The following EME1 variants were observed in gnomAD, a reference collection of about 807,000 sequenced individuals.
The protein encoded by EME1 is essential meiotic structure-specific endonuclease 1.
EME1 carries 61 observed loss-of-function variants against 59.1 expected under a neutral mutation model. The observed-to-expected ratio is 1.03, with a 90% CI of 0.84 to 1.28. The LOEUF (loss-of-function observed/expected upper bound fraction) is 1.28, where lower values mean the gene tolerates loss of function less well. Among genes scored for constraint, EME1 ranks in the 50% most tolerant of loss-of-function variants. The probability of loss-of-function intolerance (pLI) is 0.00; values close to 1 mark genes in which losing one functional copy is unlikely to be tolerated. For missense variants in EME1, 635 were observed against 682.6 expected, an observed-to-expected ratio of 0.93 and a Z score of 0.78; for synonymous variants, 230 against 254.2, an observed-to-expected ratio of 0.90 and a Z score of 0.90.
In EME1 at chr17:50,378,837, G is replaced by A. The variant is rs767764539; in HGVS notation, c.1054G>A (p.Ala352Thr). The A allele has an allele frequency of 4.3e-6, 7 of 1,614,054 alleles. No individual in the cohort carries two copies. Among genetic ancestry groups the A allele is most frequent in the Non-Finnish European group, 5.9e-6 (7 of 1,180,018 alleles). Reference sequence around the variant, plus strand: ...TCAGGGCTTTGTAACTGACATCACAGCAAAGACAGCAGGGAAAGCTCTGTC... The same window carrying A: ...TCAGGGCTTTGTAACTGACATCACAACAAAGACAGCAGGGAAAGCTCTGTC... ...TLQGFVTDIT[A>T]KTAGKALSLV... The change falls in exon 5 of 9, where the codon GCA (alanine) becomes ACA (threonine). Residue 352 changes from alanine (A) to threonine (T), a missense_variant. Transcript: ENST00000338165.
Position 50,381,176 on chromosome 17 carries a change from CACAG to C in EME1, c.*241_*244del. ...TCCTCTCCTGGCAAAAATTCACTGC[CACAG>C]ACAAACCACCCCCACTCCTACCCAG... On this transcript the variant is annotated 3_prime_UTR_variant, in exon 9 of 9. Transcript: ENST00000338165. 1 of 532,016 alleles carries C rather than the reference CACAG, an allele frequency of 1.9e-6. No homozygotes were observed. Among genetic ancestry groups the C allele is most frequent in the Non-Finnish European group, 3.3e-6 (1 of 299,504 alleles). The allele number at this position is 532,016 out of a possible 1,614,324, so 33.0% of individuals were successfully genotyped here.
At chr17:50,376,724 G>A (rs1192240358) in intron 3 of EME1, among the ~76,000 whole-genome samples, 3 of 152,204 alleles carry the variant, frequency 2.0e-5, no homozygotes, top group African/African-American at 7.2e-5. Flanking sequence ...ACCACCTTGA[G>A]CGAAGCTATG....
chr17:50,373,244 G>A lies in EME1; in HGVS notation c.-58G>A, dbSNP rs1406654193. ...CAGGAGATCTACTTCCGGGCCCTGC[G>A]TGGCAGTTGAAAGAGTGGCGGGAGA... On this transcript the variant is annotated 5_prime_UTR_variant, in exon 1 of 9. The change creates a new upstream start codon in the 5' untranslated region. Coordinates refer to ENST00000338165, the MANE Select transcript of EME1 (RefSeq NM_152463.4). 5.0e-6 allele frequency: 8 copies of A among 1,600,768 alleles called. No individual in the cohort carries two copies. Among genetic ancestry groups the A allele is most frequent in the Non-Finnish European group, 6.8e-6 (8 of 1,172,798 alleles).
At chr17:50,379,274 G>C in intron 6 of EME1, 50 bp downstream of exon 6, 1 of 1,610,962 alleles carries the variant, frequency 6.2e-7, no homozygotes. Flanking sequence ...CTGGTCACCT[G>C]AGACTTGCTA....
chr17:50,381,223 A>T lies in EME1; in HGVS notation c.*284A>T. 2.5e-6 allele frequency: 1 copy of T among 405,632 alleles called. No individual in the cohort carries two copies. The highest frequency in any genetic ancestry group is 3.8e-5 in the Admixed American group (1 of 26,004). The allele number at this position is 405,632 out of a possible 1,614,324, so 25.1% of individuals were successfully genotyped here. On this transcript the variant is annotated 3_prime_UTR_variant, in exon 9 of 9. Coordinates refer to ENST00000338165, the MANE Select transcript of EME1 (RefSeq NM_152463.4). ...CTACCCAGCCAGCCCTCAAAACACA[A>T]AGGAACAAAGACAGTCCACTCAGAC...
At position 50,375,946 on chromosome 17, in the gene EME1, G is replaced by A; in HGVS notation, c.738G>A (p.Glu246=). 1 of 1,610,742 alleles carries A rather than the reference G, an allele frequency of 6.2e-7. No individual in the cohort carries two copies. The highest frequency in any genetic ancestry group is 8.5e-7 in the Non-Finnish European group (1 of 1,178,334). The part of the protein sequence containing the change: ...LVTRMKAQRP[E]ECLKHIIVVL... ...CCAGGATGAAAGCCCAGAGGCCAGAGGAATGCTTAAAACACATCATTGTAG... is the reference window on the plus strand; with the variant it reads ...CCAGGATGAAAGCCCAGAGGCCAGAAGAATGCTTAAAACACATCATTGTAG... Residue 246 remains glutamate (E), a synonymous_variant, in exon 2 of 9, where the codon GAG becomes GAA. Coordinates refer to ENST00000338165, the MANE Select transcript of EME1 (RefSeq NM_152463.4).
Position 50,375,477 on chromosome 17 carries a change from A to G in EME1, c.269A>G (p.Glu90Gly), listed in dbSNP as rs1279070589. The change falls in exon 2 of 9, where the codon GAA (glutamate) becomes GGA (glycine). Residue 90 changes from glutamate (E) to glycine (G), a missense_variant. By Grantham distance (98) the Glu-to-Gly change is moderately conservative (BLOSUM62 -2). Transcript: ENST00000338165. Reference sequence around the variant, plus strand: ...TTGCTAAGCAGTGAAAGTGAAGATGAAGAAGAATTTATTCCTCTGGCTCAA... The same window carrying G: ...TTGCTAAGCAGTGAAAGTGAAGATGGAGAAGAATTTATTCCTCTGGCTCAA... ...VRLLSSESED[E>G]EEFIPLAQRL... The G allele has an allele frequency of 1.9e-6, 3 of 1,614,006 alleles. No individual in the cohort carries two copies. The highest frequency in any genetic ancestry group is 2.5e-6 in the Non-Finnish European group (3 of 1,179,960).
intron 3 of EME1, among the ~76,000 whole-genome samples, 185 bp from the exon 4 acceptor site, chr17:50,378,410 G>A (rs1425267497): frequency 2.0e-5 from 3 of 152,180 alleles, no homozygotes; most frequent in African/African-American, 7.2e-5. Flanking sequence ...AGGGCACCAA[G>A]ACTGAATCAT....
At chr17:50,378,957 G>C (rs901165779) in intron 5 of EME1, 62 bp downstream of exon 5, 7 of 1,613,340 alleles carry the variant, frequency 4.3e-6, no homozygotes, top group African/African-American at 2.7e-5. Flanking sequence ...AGGGGGGTGA[G>C]TTTAGTTTAT....
intron 1 of EME1, among the ~76,000 whole-genome samples, chr17:50,374,772 G>T (rs140596797): frequency 0.013 from 1,922 of 152,126 alleles, 35 homozygotes; most frequent in African/African-American, 0.043. Context: ...CTTGAACCTG[G>T]GAGTGAGGTT....
chr17:50,373,276 A>T lies in EME1; in HGVS notation c.-26A>T. The T allele has an allele frequency of 6.6e-7, 1 of 1,512,978 alleles. No individual in the cohort carries two copies. The highest frequency in any genetic ancestry group is 9.0e-7 in the Non-Finnish European group (1 of 1,110,870). 93.7% of individuals were successfully genotyped at this position (1,512,978 alleles called of 1,614,324 possible). A position where few individuals can be genotyped will look rare whatever the true frequency, so the allele number is the denominator to read the frequency against. On this transcript the variant is annotated splice_region_variant and 5_prime_UTR_variant, in exon 1 of 9. Transcript: ENST00000338165. ...TTGAAAGAGTGGCGGGAGAAGTTGC[A>T]GGTGAGCGTCCCCGGTCGCAGGCCT...
Position 50,378,671 on chromosome 17 carries a change from A to G in EME1, c.980A>G (p.Asn327Ser). 1 of 1,614,152 alleles carries G rather than the reference A, an allele frequency of 6.2e-7. No homozygotes were observed. Among genetic ancestry groups the G allele is most frequent in the Middle Eastern group, 1.7e-4 (1 of 6,060 alleles). The change falls in exon 4 of 9, where the codon AAT becomes AGT. Residue 327 changes from asparagine to serine, a missense_variant. Transcript: ENST00000338165. ...RAEAFVSMID[N>S]GKQGSLDSTM... ...GAGGCATTTGTGTCCATGATCGACA[A>G]TGGAAAGCAGGTGGGCAGAGCCAGA...
At chr17:50,377,607 T>C (rs1167317430) in intron 3 of EME1, among the ~76,000 whole-genome samples, 2 of 152,192 alleles carry the variant, frequency 1.3e-5, no homozygotes, top group Non-Finnish European at 2.9e-5. Context: ...CAAAAAAACC[T>C]ATCTGTTTGT....
intron 6 of EME1, 112 bp from the exon 7 acceptor site, chr17:50,379,340 G>A: frequency 6.3e-7 from 1 of 1,587,426 alleles, no homozygotes; most frequent in Non-Finnish European, 8.6e-7. Context: ...CACTGACTAA[G>A]AGAAGGTACC....
chr17:50,378,646 G>A lies in EME1; in HGVS notation c.955G>A (p.Glu319Lys). 1 of 1,614,172 alleles carries A rather than the reference G, an allele frequency of 6.2e-7. No homozygotes were observed. The highest frequency in any genetic ancestry group is 1.7e-5 in the Admixed American group (1 of 60,024). ...EPTVLVLLRA[E>K]AFVSMIDNGK... The stretch of plus-strand genomic sequence containing the variant: ...AACAGTACTGGTGTTGCTCCGGGCA[G>A]AGGCATTTGTGTCCATGATCGACAA... Residue 319 changes from glutamate (E) to lysine (K), a missense_variant, in exon 4 of 9, where the codon GAG (glutamate) becomes AAG (lysine). Transcript: ENST00000338165.
Position 50,375,467 on chromosome 17 carries a change from A to G in EME1, c.259A>G (p.Ser87Gly). 1 of 1,614,066 alleles carries G rather than the reference A, an allele frequency of 6.2e-7. No individual in the cohort carries two copies. The change falls in exon 2 of 9, where the codon AGT becomes GGT. Residue 87 changes from serine to glycine, a missense_variant. By Grantham distance (56) the Ser-to-Gly change is moderately conservative. Coordinates refer to ENST00000338165, the MANE Select transcript of EME1 (RefSeq NM_152463.4). The part of the protein sequence containing the change: ...TQPVRLLSSE[S>G]EDEEEFIPLA... ...GCCAGTCAGGTTGCTAAGCAGTGAA[A>G]GTGAAGATGAAGAAGAATTTATTCC...
chr17:50,378,735 G>A (rs751546298), intron 4 of EME1, 39 bp from the exon 5 acceptor site: 1 of 1,614,184 alleles, frequency 6.2e-7, no homozygotes, highest in Non-Finnish European at 8.5e-7. Flanking sequence ...ACTCTTACTA[G>A]GAAGCAAGTA....
In EME1 at chr17:50,375,404, C is replaced by T; in HGVS notation, c.196C>T (p.Pro66Ser). The T allele has an allele frequency of 6.2e-7, 1 of 1,614,180 alleles. No individual in the cohort carries two copies. The highest frequency in any genetic ancestry group is 8.5e-7 in the Non-Finnish European group (1 of 1,180,034). Residue 66 changes from proline to serine, a missense_variant, in exon 2 of 9, where the codon CCT becomes TCT. Coordinates refer to ENST00000338165, the MANE Select transcript of EME1 (RefSeq NM_152463.4). Reference sequence around the variant, plus strand: ...TCCAGCACCAGAGTTATTTTCACCACCTGTCCCAGAAATAGCTGAAACTGT... The same window carrying T: ...TCCAGCACCAGAGTTATTTTCACCATCTGTCCCAGAAATAGCTGAAACTGT... Reference protein sequence around the residue: ...CPPAPELFSPPVPEIAETVTQ... With the variant: ...CPPAPELFSPSVPEIAETVTQ...
chr17:50,375,914 C>G lies in EME1; in HGVS notation c.706C>G (p.Leu236Val). The change falls in exon 2 of 9, where the codon CTG (leucine) becomes GTG (valine). Residue 236 changes from leucine to valine, a missense_variant. By Grantham distance (32) the Leu-to-Val change is conservative (BLOSUM62 1). Transcript: ENST00000338165. ...AAGACAGGAAAGAAAGAATGCAGCA[C>G]TGGTTACCAGGATGAAAGCCCAGAG... ...LRRQERKNAALVTRMKAQRPE... is the reference protein window; with the variant it reads ...LRRQERKNAAVVTRMKAQRPE... 6.2e-7 allele frequency: 1 copy of G among 1,612,854 alleles called. No individual in the cohort carries two copies. The highest frequency in any genetic ancestry group is 8.5e-7 in the Non-Finnish European group (1 of 1,179,514).
Sources: allele counts gnomAD v4.1 joint callset (sites outside exome capture counted in the v4.1 genomes callset), GRCh38; gene constraint gnomAD v4.1.1; transcripts MANE v1.5; gene names NCBI Gene and HGNC (gene_info 2026-07-23, HGNC 2026-07-21).